GRID1: variants seen among roughly 807,000 people sequenced by gnomAD.
GRID1 encodes glutamate ionotropic receptor delta type subunit 1.
GRID1 carries 28 observed loss-of-function variants against 98.0 expected under a neutral mutation model. That is an observed-to-expected ratio of 0.29 (90% CI 0.21 to 0.39). The LOEUF is 0.39. Ranked by LOEUF, GRID1 falls within the 10% of genes least tolerant of loss-of-function variation. GRID1 has a pLI of 1.00. For missense variants in GRID1, 1,111 were observed against 1,340.5 expected (o/e 0.83, Z 2.67); for synonymous variants, 553 against 538.5 (o/e 1.03, Z -0.37).
At chr10:86,037,931 T>G (rs905531420) in intron 4 of GRID1, among the ~76,000 whole-genome samples, 1 of 152,140 alleles carries the variant, frequency 6.6e-6, no homozygotes, top group Admixed American at 6.5e-5. Context: ...AAACTGTATA[T>G]GGAGATAGGA....
At chr10:85,779,671 G>A (rs967038661) in intron 8 of GRID1, among the ~76,000 whole-genome samples, 5 of 152,060 alleles carry the variant, frequency 3.3e-5, no homozygotes, top group Non-Finnish European at 7.4e-5. Context: ...GAAATGTGAC[G>A]AGGTTAATTA....
intron 2 of GRID1, among the ~76,000 whole-genome samples, chr10:86,320,026 G>A (rs530108488): frequency 1.3e-5 from 2 of 152,242 alleles, no homozygotes; most frequent in African/African-American, 2.4e-5. Flanking sequence ...GCCTCCCCTC[G>A]TGCCTGGGCC....
chr10:85,620,285 A>C (rs1317273076), intron 13 of GRID1, among the ~76,000 whole-genome samples: 1 of 152,240 alleles, frequency 6.6e-6, no homozygotes, highest in Non-Finnish European at 1.5e-5. Flanking sequence ...GGAAGGGCAG[A>C]GGAGCTAGAG....
At chr10:85,770,527 T>A (rs2949381) in intron 8 of GRID1, among the ~76,000 whole-genome samples, 23 of 151,974 alleles carry the variant, frequency 1.5e-4, no homozygotes, top group Non-Finnish European at 2.6e-4. Context: ...AAACTACTCC[T>A]AGCTACAGGA....
At chr10:86,073,674 T>C (rs1331475979) in intron 4 of GRID1, among the ~76,000 whole-genome samples, 1 of 152,144 alleles carries the variant, frequency 6.6e-6, no homozygotes, top group African/African-American at 2.4e-5. Flanking sequence ...CTCCGGATCA[T>C]AAGGTGGGCA....
chr10:86,031,747 T>C (rs1158389421), intron 4 of GRID1, among the ~76,000 whole-genome samples: 1 of 152,018 alleles, frequency 6.6e-6, no homozygotes. Context: ...TGCTCAAAAC[T>C]CTCTAACAGC....
chr10:86,344,471 T>C (rs1317430954), intron 2 of GRID1, among the ~76,000 whole-genome samples: 1 of 152,080 alleles, frequency 6.6e-6, no homozygotes, highest in Admixed American at 6.5e-5. Flanking sequence ...GGCCCACATG[T>C]GCCCCACACT....
At chr10:85,986,565 G>C (rs1385134241) in intron 4 of GRID1, among the ~76,000 whole-genome samples, 1 of 152,118 alleles carries the variant, frequency 6.6e-6, no homozygotes, top group African/African-American at 2.4e-5. Flanking sequence ...ACTGCAACCT[G>C]CCTCTCCCGC....
chr10:86,264,959 G>T (rs902094445), intron 2 of GRID1, among the ~76,000 whole-genome samples: 20 of 152,254 alleles, frequency 1.3e-4, no homozygotes, highest in African/African-American at 4.8e-4. Context: ...TGCCATCAAG[G>T]CCTGGATCAG....
intron 2 of GRID1, among the ~76,000 whole-genome samples, chr10:86,275,385 G>A (rs1847253896): frequency 6.6e-6 from 1 of 151,710 alleles, no homozygotes. Flanking sequence ...AGAAAACATG[G>A]CCCATTCAAA....
intron 2 of GRID1, among the ~76,000 whole-genome samples, chr10:86,248,023 G>A (rs1846759543): frequency 6.6e-6 from 1 of 152,208 alleles, no homozygotes; most frequent in Non-Finnish European, 1.5e-5. Flanking sequence ...GGATCAACAA[G>A]AGCTGCCCCC....
chr10:85,769,792 A>T (rs1362034331), intron 8 of GRID1, among the ~76,000 whole-genome samples: 2 of 152,244 alleles, frequency 1.3e-5, no homozygotes, highest in African/African-American at 4.8e-5. Flanking sequence ...GCCATTGCCC[A>T]GGCTTGCTTA....
chr10:86,153,093 C>G (rs1845193086), intron 3 of GRID1, among the ~76,000 whole-genome samples: 1 of 152,228 alleles, frequency 6.6e-6, no homozygotes, highest in Admixed American at 6.5e-5. Context: ...AGGAACCTCA[C>G]TCTGCCTGAG....
intron 3 of GRID1, among the ~76,000 whole-genome samples, chr10:86,199,227 A>C (rs1845915042): frequency 6.6e-6 from 1 of 152,096 alleles, no homozygotes; most frequent in Non-Finnish European, 1.5e-5. Context: ...ACACAAAGCA[A>C]CACCCACGTC....
At chr10:86,070,244 C>T (rs1461852937) in intron 4 of GRID1, among the ~76,000 whole-genome samples, 1 of 152,150 alleles carries the variant, frequency 6.6e-6, no homozygotes, top group Admixed American at 6.5e-5. Context: ...TAACAGCCAT[C>T]CAGCCTTGGA....
rs147930321 is a variant in GRID1, at chr10:85,725,833, G to A, written c.1534-1157C>T. ...CTTGAGTAAAGGCAGCAAATAGGAA[G>A]TGACCCTATCAACACTCTCCTCTTA... On this transcript the variant is annotated intron_variant, in intron 10 of 15. Transcript: ENST00000327946. Among the ~76,000 whole-genome samples the A allele has an allele frequency of 7.4e-4, 112 of 152,308 alleles. No homozygotes were observed. The East Asian group carries it at 0.02, about 27-fold the overall frequency.
intron 4 of GRID1, among the ~76,000 whole-genome samples, chr10:85,988,516 T>A (rs1386211202): frequency 3.9e-5 from 6 of 152,282 alleles, no homozygotes; most frequent in Middle Eastern, 3.4e-3. Context: ...CTCCCCAACC[T>A]GGGCCTTCCT....
chr10:85,892,030 C>T (rs1273707807), intron 5 of GRID1, among the ~76,000 whole-genome samples: 1 of 151,390 alleles, frequency 6.6e-6, no homozygotes. Flanking sequence ...TAGAGCAAAA[C>T]ATGCATGATA....
Position 86,023,147 on chromosome 10 carries a change from A to C in GRID1, c.727-106908T>G, listed in dbSNP as rs187503180. On this transcript the variant is annotated intron_variant, in intron 4 of 15. Transcript: ENST00000327946. ...TGCCACTCTGTCCTCAGGGGTTCCC[A>C]GCTTGGAGAAATAGAGGCCCTGCGG... is the stretch of plus-strand genomic sequence containing the variant. Among the ~76,000 whole-genome samples the C allele has an allele frequency of 7.2e-3, 1,102 of 152,162 alleles. 18 individuals are homozygous for C. The highest frequency in any genetic ancestry group is 0.025 in the African/African-American group (1,043 of 41,530).
Sources: gnomAD v4.1 joint callset for allele counts (sites outside exome capture counted in the v4.1 genomes callset) on GRCh38, gnomAD v4.1.1 for gene constraint, MANE v1.5 for transcripts, NCBI Gene and HGNC (gene_info 2026-07-23, HGNC 2026-07-21) for gene names.